Variants in NGLY1 observed in about 807,000 individuals in gnomAD.
NGLY1 encodes the protein peptide-N(4)-(N-acetyl-beta-glucosaminyl)asparagine amidase.
Under a neutral mutation model 84.6 loss-of-function variants are expected in NGLY1, and 68 were observed. The observed-to-expected ratio is 0.80, with a 90% CI of 0.66 to 0.98. The LOEUF (loss-of-function observed/expected upper bound fraction) is 0.98. Among genes scored for constraint, NGLY1 ranks in the 50% least tolerant of loss-of-function variants. The probability of loss-of-function intolerance (pLI) is 0.00; values close to 1 mark genes in which losing one functional copy is unlikely to be tolerated. For missense variants in NGLY1, 779 were observed against 770.2 expected (o/e 1.01, Z -0.14); for synonymous variants, 280 against 275.2 (o/e 1.02, Z -0.17).
At chr3:25,779,064 T>C (rs1708289766) in intron 1 of NGLY1, among the ~76,000 whole-genome samples, 2 of 150,294 alleles carry the variant, frequency 1.3e-5, no homozygotes, top group Non-Finnish European at 3.0e-5. Flanking sequence ...GCCTCCCAAG[T>C]AGCTAGGATT....
exon 1 of NGLY1, chr3:25,789,941 C>A (rs1708687050): frequency 1.3e-6 from 2 of 1,531,810 alleles, no homozygotes; most frequent in Non-Finnish European, 8.9e-7. Context: ...ACGCAAACAG[C>A]TACCCAGCCG....
At chr3:25,752,026 C>G (rs1223324619) in intron 3 of NGLY1, among the ~76,000 whole-genome samples, 1 of 152,196 alleles carries the variant, frequency 6.6e-6, no homozygotes, top group Non-Finnish European at 1.5e-5. Context: ...GCAGTATTCA[C>G]AGACAAGCTG....
intron 3 of NGLY1, 88 bp downstream of exon 3, chr3:25,763,978 T>G (rs1330687365): frequency 1.3e-6 from 2 of 1,493,306 alleles, no homozygotes; most frequent in African/African-American, 2.8e-5. Context: ...GGGCATAAAT[T>G]CAGGAATAAA....
intron 2 of NGLY1, among the ~76,000 whole-genome samples, chr3:25,765,677 C>G (rs1012378521): frequency 4.6e-5 from 7 of 152,108 alleles, no homozygotes; most frequent in African/African-American, 1.4e-4. Context: ...ACGTATGATT[C>G]ATAATTGCTA....
intron 1 of NGLY1, chr3:25,789,758 C>G (rs1313915868): frequency 7.6e-7 from 1 of 1,321,086 alleles, no homozygotes; most frequent in Non-Finnish European, 1.1e-6. Context: ...TTCTTTCTTA[C>G]AATTCCAGTA....
At chr3:25,721,320 T>C (rs1414150957) in intron 10 of NGLY1, among the ~76,000 whole-genome samples, 5 of 152,156 alleles carry the variant, frequency 3.3e-5, no homozygotes, top group Non-Finnish European at 5.9e-5. Flanking sequence ...GTTGCTGAGA[T>C]TGTAGGTGTG....
chr3:25,753,155 A>C (rs1706844293), intron 3 of NGLY1, among the ~76,000 whole-genome samples: 1 of 152,228 alleles, frequency 6.6e-6, no homozygotes, highest in East Asian at 1.9e-4. Context: ...GCAAGGCTAA[A>C]AACAAAATCC....
At chr3:25,755,320 TA>T in intron 3 of NGLY1, 2 of 1,367,758 alleles carry the variant, frequency 1.5e-6, no homozygotes, top group Non-Finnish European at 2.1e-6. Context: ...AGTCCTTAAT[TA>T]AAAAGGGACC....
chr3:25,786,182 G>A (rs968038508), upstream of NGLY1, among the ~76,000 whole-genome samples: 7 of 152,048 alleles, frequency 4.6e-5, no homozygotes, highest in Non-Finnish European at 7.4e-5. Context: ...TTAGCCAGGC[G>A]TGTTAGTGCA....
chr3:25,757,821 T>A (rs1023584374), intron 3 of NGLY1, among the ~76,000 whole-genome samples: 1 of 152,160 alleles, frequency 6.6e-6, no homozygotes, highest in African/African-American at 2.4e-5. Flanking sequence ...TATAATAATA[T>A]TTACTATCTG....
intron 4 of NGLY1, among the ~76,000 whole-genome samples, chr3:25,742,725 T>TA (rs927794721): frequency 2.8e-4 from 42 of 152,004 alleles, no homozygotes; most frequent in African/African-American, 9.6e-4. Context: ...TTATGTGACT[T>TA]AAAAAACCCT....
At chr3:25,740,541 G>A (rs1352014163) in intron 4 of NGLY1, among the ~76,000 whole-genome samples, 1 of 152,010 alleles carries the variant, frequency 6.6e-6, no homozygotes, top group Admixed American at 6.5e-5. Flanking sequence ...GATTAAAACA[G>A]AGTGATAATA....
chr3:25,720,119 G>T lies in NGLY1; in HGVS notation c.1684C>A (p.Leu562Ile). 1 of 1,613,622 alleles carries T rather than the reference G, an allele frequency of 6.2e-7. No individual in the cohort carries two copies. Among genetic ancestry groups the T allele is most frequent in the Non-Finnish European group, 8.5e-7 (1 of 1,179,756 alleles). ...SWKFECGSVG[L>I]KVDSISIRTS... Reference sequence around the variant, plus strand: ...CTAATAGAAATGCTATCTACTTTTAGGCCAACTGACCCACACTCAAACTTC... The same window carrying T: ...CTAATAGAAATGCTATCTACTTTTATGCCAACTGACCCACACTCAAACTTC... Residue 562 changes from leucine (L) to isoleucine (I), a missense_variant, in exon 11 of 12, where the codon CTA becomes ATA. By Grantham distance (5) the Leu-to-Ile change is conservative. Transcript: ENST00000280700.
At chr3:25,748,921 AAAG>A (rs1706580709) in intron 4 of NGLY1, among the ~76,000 whole-genome samples, 1 of 152,232 alleles carries the variant, frequency 6.6e-6, no homozygotes, top group Non-Finnish European at 1.5e-5. Flanking sequence ...AAGTTTTTAA[AAAG>A]AATGTTCAAA....
intron 4 of NGLY1, among the ~76,000 whole-genome samples, chr3:25,741,243 C>T (rs903548759): frequency 1.3e-5 from 2 of 151,704 alleles, no homozygotes; most frequent in Non-Finnish European, 2.9e-5. Flanking sequence ...GTAAATTTGC[C>T]TACCGTGTAT....
upstream of NGLY1, among the ~76,000 whole-genome samples, chr3:25,783,872 G>C (rs1272797597): frequency 6.6e-6 from 1 of 152,112 alleles, no homozygotes; most frequent in Non-Finnish European, 1.5e-5. The surrounding 1 kb of genome is among the most constrained non-coding windows in gnomAD (Gnocchi z 4.5). Flanking sequence ...GGACGGAGGA[G>C]CTCGGCTGGA....
chr3:25,783,188 C>A lies in NGLY1; in HGVS notation c.131+72G>T. 1 of 1,420,378 alleles carries A rather than the reference C, an allele frequency of 7.0e-7. No individual in the cohort carries two copies. The allele number at this position is 1,420,378 out of a possible 1,614,324, so 88.0% of individuals were successfully genotyped here. ...CCTCTGAAGCTCAGGCCGGACGCCCCAGTCCCTGGCCGAACAAGGTGCCGC... is the reference window on the plus strand; with the variant it reads ...CCTCTGAAGCTCAGGCCGGACGCCCAAGTCCCTGGCCGAACAAGGTGCCGC... On this transcript the variant is annotated intron_variant, in intron 1 of 11. Transcript: ENST00000280700. The surrounding 1 kb of genome is among the most constrained non-coding windows in gnomAD (Gnocchi z 4.5).
chr3:25,773,891 G>C (rs919533747), intron 2 of NGLY1, among the ~76,000 whole-genome samples: 2 of 152,116 alleles, frequency 1.3e-5, no homozygotes, highest in Non-Finnish European at 2.9e-5. Flanking sequence ...TTGCTCTTCT[G>C]GGTCTAGCAA....
At chr3:25,721,184 G>C (rs1029030908) in intron 10 of NGLY1, among the ~76,000 whole-genome samples, 1 of 152,020 alleles carries the variant, frequency 6.6e-6, no homozygotes, top group Non-Finnish European at 1.5e-5. Flanking sequence ...TTGAACTCCT[G>C]GGTTCAAATG....
Sources: gnomAD v4.1 joint callset for allele counts (sites outside exome capture counted in the v4.1 genomes callset) on GRCh38, gnomAD v4.1.1 for gene constraint, Gnocchi (gnomAD v3.1) non-coding constraint, MANE v1.5 for transcripts, NCBI Gene and HGNC (gene_info 2026-07-23, HGNC 2026-07-21) for gene names.